The following BMPR1B variants were observed in gnomAD, a reference collection of about 807,000 sequenced individuals.
BMPR1B encodes the protein bone morphogenetic protein receptor type-1B.
Under a neutral mutation model 59.1 loss-of-function variants are expected in BMPR1B, and 12 were observed. The observed-to-expected ratio is 0.20, with a 90% CI of 0.13 to 0.33. BMPR1B has a LOEUF of 0.33. BMPR1B is among the 10% of genes least tolerant of loss of function. The pLI is 1.00. For synonymous variants in BMPR1B, 237 were observed against 207.3 expected, an observed-to-expected ratio of 1.14 and a Z score of -1.23; for missense variants, 550 against 610.9, an observed-to-expected ratio of 0.90 and a Z score of 1.05.
chr4:94,855,614 C>T (rs1412823828), intron 1 of BMPR1B, among the ~76,000 whole-genome samples: 1 of 152,194 alleles, frequency 6.6e-6, no homozygotes, highest in Non-Finnish European at 1.5e-5. Flanking sequence ...TCACCTTCAA[C>T]TTCAACTAAA....
At chr4:94,857,509 T>C (rs1725806698) in intron 1 of BMPR1B, among the ~76,000 whole-genome samples, 1 of 152,208 alleles carries the variant, frequency 6.6e-6, no homozygotes, top group Non-Finnish European at 1.5e-5. Flanking sequence ...AATCATGGTT[T>C]AAAAAATTTT....
At chr4:95,124,185 T>A (rs2149291386) in intron 7 of BMPR1B, among the ~76,000 whole-genome samples, 1 of 152,194 alleles carries the variant, frequency 6.6e-6, no homozygotes, top group African/African-American at 2.4e-5. Flanking sequence ...GACTGGTTGT[T>A]ACTTAGGTTT....
At chr4:94,787,215 G>A (rs1014681026) in intron 1 of BMPR1B, among the ~76,000 whole-genome samples, 2 of 152,222 alleles carry the variant, frequency 1.3e-5, no homozygotes, top group South Asian at 2.1e-4. Flanking sequence ...TATACTCCAC[G>A]TAGAGGTTTT....
intron 12 of BMPR1B, 137 bp downstream of exon 12, chr4:95,152,910 TA>T: frequency 1.8e-6 from 2 of 1,124,756 alleles, no homozygotes; most frequent in Admixed American, 4.4e-5. Flanking sequence ...TGCAGTAATT[TA>T]TATGAAGATA....
At chr4:94,891,866 T>G (rs1386510710) in intron 2 of BMPR1B, among the ~76,000 whole-genome samples, 1 of 152,116 alleles carries the variant, frequency 6.6e-6, no homozygotes, top group African/African-American at 2.4e-5. Context: ...CATTTATATA[T>G]TGAGGCTCTC....
At chr4:94,808,862 T>C (rs1281011026) in intron 1 of BMPR1B, among the ~76,000 whole-genome samples, 1 of 152,054 alleles carries the variant, frequency 6.6e-6, no homozygotes, top group Non-Finnish European at 1.5e-5. Context: ...TGAGACCAGC[T>C]CGGCCAACAT....
intron 2 of BMPR1B, among the ~76,000 whole-genome samples, chr4:94,912,000 A>T (rs535941049): frequency 1.3e-5 from 2 of 152,318 alleles, no homozygotes; most frequent in Non-Finnish European, 2.9e-5. Flanking sequence ...TTACAGTTCC[A>T]TGTGGCTAGG....
At chr4:95,129,823 G>T in intron 8 of BMPR1B, 39 bp from the exon 9 acceptor site, 1 of 1,594,472 alleles carries the variant, frequency 6.3e-7, no homozygotes, top group Non-Finnish European at 8.6e-7. Context: ...AATCTGTAGC[G>T]CTGTGAATAC....
intron 10 of BMPR1B, among the ~76,000 whole-genome samples, chr4:95,144,048 A>G (rs1450587568): frequency 6.6e-6 from 1 of 151,316 alleles, no homozygotes; most frequent in Non-Finnish European, 1.5e-5. Flanking sequence ...TTATGACCCT[A>G]GGCTAGAAGA....
At chr4:94,969,149 C>T (rs1369784988) in intron 2 of BMPR1B, among the ~76,000 whole-genome samples, 3 of 152,054 alleles carry the variant, frequency 2.0e-5, no homozygotes, top group African/African-American at 7.2e-5. Flanking sequence ...ATTCTTCTGC[C>T]TCAGCCTCCC....
At chr4:94,849,968 A>T (rs10027656) in intron 1 of BMPR1B, among the ~76,000 whole-genome samples, 93,167 of 151,786 alleles carry the variant, frequency 0.61, 29,595 homozygotes, top group African/African-American at 0.78. Context: ...ATTTGTTCCA[A>T]CCCTTTATTA....
At chr4:95,091,828 T>C (rs546525541) in intron 3 of BMPR1B, among the ~76,000 whole-genome samples, 5 of 152,188 alleles carry the variant, frequency 3.3e-5, no homozygotes, top group Non-Finnish European at 7.4e-5. Context: ...GAAAATACCA[T>C]GTAGCCGAAC....
chr4:95,049,141 T>A (rs948117580), intron 3 of BMPR1B, among the ~76,000 whole-genome samples: 1 of 152,016 alleles, frequency 6.6e-6, no homozygotes, highest in East Asian at 1.9e-4. Flanking sequence ...GGAGATGGGG[T>A]CTTGCTCTGT....
At chr4:94,955,625 G>A (rs990884740) in intron 2 of BMPR1B, among the ~76,000 whole-genome samples, 1 of 120,486 alleles carries the variant, frequency 8.3e-6, no homozygotes, top group Admixed American at 8.3e-5. Context: ...ACACGTATTA[G>A]CACATTTAAT....
At chr4:95,148,413 T>C (rs1468869703) in intron 10 of BMPR1B, among the ~76,000 whole-genome samples, 1 of 152,124 alleles carries the variant, frequency 6.6e-6, no homozygotes, top group African/African-American at 2.4e-5. Context: ...CTTCATTGTT[T>C]TTTTTTTCTA....
chr4:94,964,430 C>G (rs929320359), intron 2 of BMPR1B, among the ~76,000 whole-genome samples: 8 of 152,136 alleles, frequency 5.3e-5, no homozygotes, highest in Admixed American at 5.2e-4. Flanking sequence ...TTCAGTTTCT[C>G]CCTTTTCAAT....
chr4:94,986,198 CTT>C (rs940773079), intron 2 of BMPR1B, among the ~76,000 whole-genome samples: 5 of 152,062 alleles, frequency 3.3e-5, no homozygotes, highest in African/African-American at 1.2e-4. Flanking sequence ...TATTTCGTCT[CTT>C]TATTGGGTCA....
At chr4:94,912,484 GA>G (rs1435726537) in intron 2 of BMPR1B, among the ~76,000 whole-genome samples, 1 of 152,090 alleles carries the variant, frequency 6.6e-6, no homozygotes, top group Admixed American at 6.6e-5. Flanking sequence ...GGGATATGGG[GA>G]AAGAGAGAAT....
At chr4:94,769,591 CAA>C (rs1328623714) in intron 1 of BMPR1B, among the ~76,000 whole-genome samples, 5 of 137,976 alleles carry the variant, frequency 3.6e-5, no homozygotes, top group East Asian at 4.5e-4. Flanking sequence ...GCCTGGGCAA[CAA>C]GAGTGAAACA....
Sources: allele counts gnomAD v4.1 joint callset (sites outside exome capture counted in the v4.1 genomes callset), GRCh38; gene constraint gnomAD v4.1.1; transcripts MANE v1.5; gene names NCBI Gene and HGNC (gene_info 2026-07-23, HGNC 2026-07-21).